DLG2: variants seen among roughly 807,000 people sequenced by gnomAD.
DLG2 encodes disks large homolog 2.
Under a neutral mutation model 132.5 loss-of-function variants are expected in DLG2, and 45 were observed. That is an observed-to-expected ratio of 0.34 (90% confidence interval 0.27 to 0.44). DLG2 has a LOEUF of 0.44. DLG2 is among the 20% of genes least tolerant of loss of function. The pLI is 1.00. For synonymous variants in DLG2, 424 were observed against 419.6 expected, an observed-to-expected ratio of 1.01 and a Z score of -0.13; for missense variants, 1,045 against 1,196.9, an observed-to-expected ratio of 0.87 and a Z score of 1.87.
chr11:83,931,992 T>C (rs1198976106), intron 14 of DLG2, among the ~76,000 whole-genome samples: 1 of 152,238 alleles, frequency 6.6e-6, no homozygotes, highest in Non-Finnish European at 1.5e-5. Context: ...TTACTTGTTA[T>C]TTTGTACATT....
At chr11:85,155,012 A>T (rs1213221701) in intron 4 of DLG2, among the ~76,000 whole-genome samples, 1 of 152,206 alleles carries the variant, frequency 6.6e-6, no homozygotes, top group East Asian at 1.9e-4. Context: ...TGCTTGGAGA[A>T]ATCTCTATGG....
chr11:83,573,879 T>C (rs1565866361), intron 19 of DLG2, among the ~76,000 whole-genome samples: 2 of 152,132 alleles, frequency 1.3e-5, no homozygotes, highest in South Asian at 2.1e-4. Context: ...GTATAACACA[T>C]TGGAAAGAGC....
At chr11:83,739,239 T>C (rs1347916336) in intron 18 of DLG2, among the ~76,000 whole-genome samples, 9 of 152,172 alleles carry the variant, frequency 5.9e-5, no homozygotes, top group Non-Finnish European at 1.3e-4. Flanking sequence ...ATCTGAAAAG[T>C]GGCCATAAGA....
rs2079796895 is a variant in DLG2 at position 83,686,487 on chromosome 11, A to G, written c.1826-53162T>C. On this transcript the variant is annotated intron_variant, in intron 18 of 27. Transcript: ENST00000376104. ...TCTACCCAACTAGAATGTAAGCTCC[A>G]TGAGGCCAGGGTCGTTGTCTTTTTT... Among the ~76,000 whole-genome samples, 3 of 152,252 alleles carry G rather than the reference A, an allele frequency of 2.0e-5. No individual in the cohort carries two copies. The South Asian group carries it at 6.2e-4, about 32-fold the overall frequency.
chr11:85,584,636 C>T (rs1226703573), intron 3 of DLG2, among the ~76,000 whole-genome samples: 1 of 152,100 alleles, frequency 6.6e-6, no homozygotes, highest in Non-Finnish European at 1.5e-5. Context: ...CAGTGTAAAA[C>T]TGTTCCCTTT....
chr11:84,247,957 T>C (rs2097324293), intron 8 of DLG2, among the ~76,000 whole-genome samples: 2 of 152,234 alleles, frequency 1.3e-5, no homozygotes, highest in African/African-American at 4.8e-5. Flanking sequence ...GAAGGAAATG[T>C]TCTTACGCAA....
At chr11:84,231,984 T>G (rs1597993648) in intron 8 of DLG2, among the ~76,000 whole-genome samples, 1 of 150,770 alleles carries the variant, frequency 6.6e-6, no homozygotes, top group Non-Finnish European at 1.5e-5. Flanking sequence ...GTAATGTGAG[T>G]TGAGTTGATA....
intron 16 of DLG2, among the ~76,000 whole-genome samples, chr11:83,844,628 A>AGAATT (rs1324197400): frequency 6.6e-6 from 1 of 151,864 alleles, no homozygotes; most frequent in Admixed American, 6.6e-5. Context: ...ACTTGCAAAC[A>AGAATT]GAATTGATAA....
chr11:85,534,136 C>A (rs115295891), intron 3 of DLG2, among the ~76,000 whole-genome samples: 3 of 151,924 alleles, frequency 2.0e-5, no homozygotes, highest in Non-Finnish European at 2.9e-5. Context: ...TACAGGCAGG[C>A]GCAACCATGC....
At chr11:84,932,897 A>G (rs1279074730) in intron 6 of DLG2, among the ~76,000 whole-genome samples, 1 of 152,174 alleles carries the variant, frequency 6.6e-6, no homozygotes, top group Non-Finnish European at 1.5e-5. Context: ...TTGCTAGGTC[A>G]AAATGTTATT....
At chr11:83,590,899 G>C (rs1426697503) in intron 19 of DLG2, among the ~76,000 whole-genome samples, 1 of 151,060 alleles carries the variant, frequency 6.6e-6, no homozygotes, top group Non-Finnish European at 1.5e-5. Context: ...AGAAGAAATG[G>C]ATAAATTCCT....
chr11:84,273,305 GGAA>G, intron 7 of DLG2: 11 of 436,250 alleles, frequency 2.5e-5, no homozygotes, highest in Admixed American at 9.1e-5. Context: ...CAGTTGAAGA[GGAA>G]AAAAAAAAAA....
intron 18 of DLG2, among the ~76,000 whole-genome samples, chr11:83,653,495 C>T (rs1046633648): frequency 2.0e-5 from 3 of 152,146 alleles, no homozygotes; most frequent in African/African-American, 7.2e-5. Context: ...TCTGTAAATG[C>T]AAGCAGGCTA....
At chr11:85,447,091 A>G (rs982842310) in intron 3 of DLG2, among the ~76,000 whole-genome samples, 2 of 152,210 alleles carry the variant, frequency 1.3e-5, no homozygotes, top group Non-Finnish European at 1.5e-5. Flanking sequence ...GACCAACTGT[A>G]CAGAAGTTCT....
intron 3 of DLG2, among the ~76,000 whole-genome samples, chr11:85,552,373 C>T (rs1771885715): frequency 6.6e-6 from 1 of 151,532 alleles, no homozygotes; most frequent in South Asian, 2.1e-4. Flanking sequence ...GAAAAACAGA[C>T]TTCTGCTGAA....
At chr11:83,858,660 GC>G (rs1354107455) in intron 16 of DLG2, among the ~76,000 whole-genome samples, 1 of 152,106 alleles carries the variant, frequency 6.6e-6, no homozygotes, top group East Asian at 1.9e-4. Context: ...TTATTATAAA[GC>G]AGCTCTCCAT....
At chr11:84,759,090 C>A (rs1329382995) in intron 6 of DLG2, among the ~76,000 whole-genome samples, 5 of 152,088 alleles carry the variant, frequency 3.3e-5, no homozygotes, top group African/African-American at 9.7e-5. Context: ...GTTGTCCAGG[C>A]TGGTCTTGAA....
chr11:83,736,873 TCTCTA>T (rs2091968247), intron 18 of DLG2, among the ~76,000 whole-genome samples: 2 of 152,158 alleles, frequency 1.3e-5, no homozygotes, highest in Non-Finnish European at 2.9e-5. Flanking sequence ...GCTAATTACT[TCTCTA>T]TAGATGGCAG....
In DLG2 at chr11:84,341,086, G is replaced by A. The variant is rs531522882; in HGVS notation, c.520-89795C>T. ...AAGGAACCTATAACTGCTAAGGATC[G>A]TAAGTGGGGGATTCAGGCTTTGAGG... On this transcript the variant is annotated intron_variant, in intron 7 of 27. Transcript: ENST00000376104. Among the ~76,000 whole-genome samples, 13 of 152,276 alleles carry A rather than the reference G, an allele frequency of 8.5e-5. No homozygotes were observed. The South Asian group carries it at 2.1e-3, about 24-fold the overall frequency.
Sources: gnomAD v4.1 joint callset for allele counts (sites outside exome capture counted in the v4.1 genomes callset) on GRCh38, gnomAD v4.1.1 for gene constraint, MANE v1.5 for transcripts, NCBI Gene and HGNC (gene_info 2026-07-23, HGNC 2026-07-21) for gene names.